The following NPNT variants were observed in gnomAD, a reference collection of about 807,000 sequenced individuals.
NPNT encodes nephronectin.
A neutral mutation model predicts 68.6 loss-of-function variants in NPNT; 45 were observed. The observed-to-expected ratio is 0.66, with a 90% confidence interval of 0.52 to 0.84. The LOEUF (loss-of-function observed/expected upper bound fraction) is 0.84. NPNT is among the 40% of genes least tolerant of loss of function. The probability of loss-of-function intolerance (pLI) is 0.00; values close to 1 mark genes in which losing one functional copy is unlikely to be tolerated. For synonymous variants in NPNT, 233 were observed against 253.3 expected (o/e 0.92, Z 0.76); for missense variants, 672 against 714.8 (o/e 0.94, Z 0.68).
chr4:105,937,609 A>G (rs1431285366), intron 4 of NPNT, among the ~76,000 whole-genome samples: 2 of 152,108 alleles, frequency 1.3e-5, no homozygotes, highest in African/African-American at 4.8e-5. Context: ...TTTAGACTCT[A>G]ATAATAGTCT....
chr4:105,916,790 C>T (rs139784885), intron 2 of NPNT, among the ~76,000 whole-genome samples: 5 of 152,196 alleles, frequency 3.3e-5, no homozygotes, highest in Admixed American at 1.3e-4. Context: ...TACATCTTTA[C>T]GCCAGTATAA....
In NPNT at chr4:105,969,154, A is replaced by T. The variant is rs1732398037; in HGVS notation, c.*164A>T. 3.6e-6 allele frequency: 2 copies of T among 560,160 alleles called. No individual in the cohort carries two copies. Among genetic ancestry groups the T allele is most frequent in the South Asian group, 4.9e-5 (2 of 40,764 alleles). The allele number at this position is 560,160 out of a possible 1,614,324, so 34.7% of individuals were successfully genotyped here. A position where few individuals can be genotyped will look rare whatever the true frequency, so the allele number is the denominator to read the frequency against. ...AGGTTTTTCTGGCCTGCTTTTGTGC[A>T]ATCCCAATGAACAGTGATACCCTCC... On this transcript the variant is annotated 3_prime_UTR_variant, in exon 12 of 12. Coordinates refer to ENST00000379987, the MANE Select transcript of NPNT (RefSeq NM_001033047.3).
intron 2 of NPNT, among the ~76,000 whole-genome samples, chr4:105,907,130 A>G (rs879869798): frequency 6.6e-6 from 1 of 152,126 alleles, no homozygotes; most frequent in Non-Finnish European, 1.5e-5. Context: ...TTAGACCTGA[A>G]CAGACTCAAA....
At chr4:105,938,446 G>C (rs1435434726) in intron 5 of NPNT, 26 bp downstream of exon 5, 9 of 1,609,824 alleles carry the variant, frequency 5.6e-6, no homozygotes, top group Non-Finnish European at 6.8e-6. Flanking sequence ...AAGCATCTCT[G>C]TCAGCAGCCT....
At chr4:105,897,850 CCTTT>C in intron 1 of NPNT, 47 bp from the exon 2 acceptor site, 1 of 1,415,816 alleles carries the variant, frequency 7.1e-7, no homozygotes, top group Non-Finnish European at 1.0e-6. Context: ...GAGGAAATTA[CCTTT>C]CTTCTCAAAA....
intron 8 of NPNT, among the ~76,000 whole-genome samples, chr4:105,946,291 A>C (rs190521468): frequency 1.3e-5 from 2 of 152,294 alleles, no homozygotes; most frequent in East Asian, 3.9e-4. Flanking sequence ...AGTTATAATG[A>C]GCTTTGGTAT....
intron 8 of NPNT, among the ~76,000 whole-genome samples, chr4:105,950,580 G>A (rs1469557545): frequency 6.6e-6 from 1 of 152,082 alleles, no homozygotes; most frequent in East Asian, 1.9e-4. Flanking sequence ...TGGGATTACA[G>A]GCGTGCACCA....
Position 105,940,148 on chromosome 4 carries a change from C to T in NPNT, c.579C>T (p.Tyr193=), listed in dbSNP as rs1341285407. The T allele has an allele frequency of 9.9e-6, 16 of 1,612,496 alleles. No individual in the cohort carries two copies. The highest frequency in any genetic ancestry group is 1.4e-5 in the Non-Finnish European group (16 of 1,178,692). The change falls in exon 6 of 12, where the codon TAC becomes TAT. Residue 193 remains tyrosine (Y), a synonymous_variant. Transcript: ENST00000379987. Reference sequence around the variant, plus strand: ...AATGTGTCAACACTTTTGGGAGCTACATCTGCAAGTGTCATAAAGGCTTCG... The same window carrying T: ...AATGTGTCAACACTTTTGGGAGCTATATCTGCAAGTGTCATAAAGGCTTCG... The part of the protein sequence containing the change: ...FRQCVNTFGS[Y]ICKCHKGFDL...
intron 8 of NPNT, among the ~76,000 whole-genome samples, chr4:105,944,609 T>C (rs549954873): frequency 2.3e-4 from 35 of 152,320 alleles, no homozygotes; most frequent in Non-Finnish European, 4.4e-4. Flanking sequence ...GTTCCAATGA[T>C]GTTTGGGAGC....
At position 105,942,395 on chromosome 4, in the gene NPNT, T is replaced by C. The variant is rs572883783; in HGVS notation, c.852T>C (p.Asn284=). The C allele has an allele frequency of 7.4e-6, 12 of 1,613,482 alleles. No individual in the cohort carries two copies. Among genetic ancestry groups the C allele is most frequent in the Non-Finnish European group, 1.0e-5 (12 of 1,179,640 alleles). ...TTTTAAAGGGTGACACAGGAAATAA[T>C]AATTGGATTCCTGATGTTGGAAGTA... ...GTILKGDTGN[N]NWIPDVGSTW... Residue 284 remains asparagine (N), a synonymous_variant, in exon 8 of 12, where the codon AAT becomes AAC. Coordinates refer to ENST00000379987, the MANE Select transcript of NPNT (RefSeq NM_001033047.3).
chr4:105,900,608 A>G (rs1021685414), intron 2 of NPNT, among the ~76,000 whole-genome samples: 1 of 152,176 alleles, frequency 6.6e-6, no homozygotes, highest in African/African-American at 2.4e-5. Context: ...CACTATGTCT[A>G]AGCAGAGCCA....
chr4:105,921,948 C>T (rs1321148715), intron 2 of NPNT, among the ~76,000 whole-genome samples: 2 of 152,154 alleles, frequency 1.3e-5, no homozygotes, highest in East Asian at 3.9e-4. Context: ...TTCTTCTGCC[C>T]TACCCTTGCA....
intron 8 of NPNT, among the ~76,000 whole-genome samples, chr4:105,943,364 A>T (rs968716673): frequency 2.0e-5 from 3 of 152,216 alleles, no homozygotes; most frequent in Non-Finnish European, 4.4e-5. Context: ...AAGAAGTAGG[A>T]AGCAGTGTAA....
chr4:105,901,178 T>C (rs978755905), intron 2 of NPNT, among the ~76,000 whole-genome samples: 13 of 152,208 alleles, frequency 8.5e-5, no homozygotes, highest in Admixed American at 2.0e-4. Context: ...TTTTTCAGGG[T>C]TGCATATTTC....
Position 105,927,436 on chromosome 4 carries a change from AAC to A in NPNT, c.265+10_265+11del, listed in dbSNP as rs1728772124. On this transcript the variant is annotated intron_variant, in intron 3 of 11. Transcript: ENST00000379987. ...GAAAAACCTGTAATCAAGGTAGGAA[AAC>A]AGTCTGACATAAATACACAATCGAA... is the stretch of plus-strand genomic sequence containing the variant. 22 of 1,568,832 alleles carry A rather than the reference AAC, an allele frequency of 1.4e-5. No homozygotes were observed. The African/African-American group carries it at 1.5e-4, about 11-fold the overall frequency.
chr4:105,901,276 T>C (rs908484272), intron 2 of NPNT, among the ~76,000 whole-genome samples: 1 of 152,246 alleles, frequency 6.6e-6, no homozygotes, highest in Non-Finnish European at 1.5e-5. Context: ...TTCTGACTTT[T>C]GTACCTGAAT....
chr4:105,919,713 G>T (rs1728095361), intron 2 of NPNT, among the ~76,000 whole-genome samples: 1 of 152,048 alleles, frequency 6.6e-6, no homozygotes, highest in Non-Finnish European at 1.5e-5. Flanking sequence ...AAATTTATTT[G>T]TAAGAATATT....
rs919451689 is a variant in NPNT at position 105,948,182 on chromosome 4, C to G, written c.1159+5480C>G. Among the ~76,000 whole-genome samples, 2 of 151,808 alleles carry G rather than the reference C, an allele frequency of 1.3e-5. 1 individual carries two copies. The highest frequency in any genetic ancestry group is 3.9e-4 in the East Asian group (2 of 5,188). On this transcript the variant is annotated intron_variant, in intron 8 of 11. Transcript: ENST00000379987. ...AAATATTCTCTAGAAAATTCTAAGTCTAATATACTTCTAAATTTTAAGCAT... is the reference window on the plus strand; with the variant it reads ...AAATATTCTCTAGAAAATTCTAAGTGTAATATACTTCTAAATTTTAAGCAT...
intron 2 of NPNT, among the ~76,000 whole-genome samples, chr4:105,922,869 T>A (rs1461446171): frequency 1.3e-5 from 2 of 152,186 alleles, no homozygotes; most frequent in Non-Finnish European, 2.9e-5. Flanking sequence ...GTTGATTATC[T>A]GTGATTTTTA....
Sources: allele counts gnomAD v4.1 joint callset (sites outside exome capture counted in the v4.1 genomes callset), GRCh38; gene constraint gnomAD v4.1.1; transcripts MANE v1.5; gene names NCBI Gene and HGNC (gene_info 2026-07-23, HGNC 2026-07-21).